The following BBS4 variants were observed in gnomAD, a reference collection of about 807,000 sequenced individuals.
BBS4 encodes Bardet-Biedl syndrome 4.
A neutral mutation model predicts 71.4 loss-of-function variants in BBS4; 58 were observed. The ratio of observed to expected loss-of-function variants is 0.81; its 90% CI spans 0.66 to 1.01. The LOEUF (loss-of-function observed/expected upper bound fraction) is 1.01, where lower values mean the gene tolerates loss of function less well. BBS4 is among the 50% of genes least tolerant of loss of function. The pLI, the probability that BBS4 is intolerant of heterozygous loss-of-function variation, is 0.00. For missense variants in BBS4, 660 were observed against 607.9 expected (o/e 1.09, Z -0.90); for synonymous variants, 228 against 216.8 (o/e 1.05, Z -0.46).
rs755871045 is a variant in BBS4 at position 72,736,851 on chromosome 15, G to T, written c.1338G>T (p.Lys446Asn). The T allele has an allele frequency of 6.2e-7, 1 of 1,614,188 alleles. No homozygotes were observed. Among genetic ancestry groups the T allele is most frequent in the South Asian group, 1.1e-5 (1 of 91,078 alleles). Reference sequence around the variant, plus strand: ...AACCAGTTAAAGATCCCAAATCAAAGCACCAGACCACTTCAACCAGCAAAC... The same window carrying T: ...AACCAGTTAAAGATCCCAAATCAAATCACCAGACCACTTCAACCAGCAAAC... ...WTKPVKDPKS[K>N]HQTTSTSKPA... is the part of the protein sequence containing the mutation. Residue 446 changes from lysine to asparagine, a missense_variant, in exon 15 of 16, where the codon AAG (lysine) becomes AAT (asparagine). By Grantham distance (94) the Lys-to-Asn change is moderately conservative. Coordinates refer to ENST00000268057, the MANE Select transcript of BBS4 (RefSeq NM_033028.5).
At chr15:72,737,093 GA>G (rs978553325) in intron 15 of BBS4, 130 bp downstream of exon 15, 49 of 1,153,792 alleles carry the variant, frequency 4.2e-5, no homozygotes, top group African/African-American at 1.2e-4. Context: ...CACAAGGGGA[GA>G]AAAAAAACAC....
At chr15:72,715,008 T>A (rs1257012800) in intron 4 of BBS4, among the ~76,000 whole-genome samples, 1 of 152,338 alleles carries the variant, frequency 6.6e-6, no homozygotes, top group East Asian at 1.9e-4. Context: ...GTTTGTGTGA[T>A]AATTTGCAAA....
intron 3 of BBS4, 89 bp downstream of exon 3, chr15:72,709,868 AT>A: frequency 9.4e-7 from 1 of 1,060,322 alleles, no homozygotes; most frequent in Non-Finnish European, 1.5e-6. Flanking sequence ...GGCAGTTTAT[AT>A]CTCAGTGATA....
At chr15:72,687,741 A>AACGTAGTGAAACCCTGTCCC (rs2064889469) in intron 1 of BBS4, among the ~76,000 whole-genome samples, 1 of 152,044 alleles carries the variant, frequency 6.6e-6, no homozygotes, top group African/African-American at 2.4e-5. Context: ...CAGCCTGGCC[A>AACGTAGTGAAACCCTGTCCC]ACGTAGTGAA....
rs1379874365 is a variant in BBS4 at position 72,722,823 on chromosome 15, C to T, written c.435C>T (p.Tyr145=). 3 of 1,613,874 alleles carry T rather than the reference C, an allele frequency of 1.9e-6. No individual in the cohort carries two copies. The South Asian group carries it at 3.3e-5, about 18-fold the overall frequency. Residue 145 remains tyrosine (Y), a synonymous_variant, in exon 7 of 16, where the codon TAC becomes TAT. Coordinates refer to ENST00000268057, the MANE Select transcript of BBS4 (RefSeq NM_033028.5). ...WEISHNLGVC[Y]IYLKQFNKAQ... is the part of the protein sequence containing the mutation. ...TCAGCCATAACCTAGGAGTTTGCTA[C>T]ATATACCTGAAGCAGTTCAACAAGG...
chr15:72,715,267 T>C (rs780090579), intron 4 of BBS4, 24 bp from the exon 5 acceptor site: 1 of 1,571,248 alleles, frequency 6.4e-7, no homozygotes, highest in Admixed American at 1.7e-5. Context: ...TTTACTTTTT[T>C]TTGTATTTTC....
intron 4 of BBS4, among the ~76,000 whole-genome samples, chr15:72,714,389 C>T (rs749638952): frequency 5.3e-5 from 8 of 152,202 alleles, no homozygotes; most frequent in Admixed American, 4.6e-4. Context: ...CCATGTCCAG[C>T]TAGTTTTTGT....
In BBS4 at chr15:72,735,843, C is replaced by T. The variant is rs2065911466; in HGVS notation, c.1125C>T (p.Asn375=). ...VHLDKCNPLV[N]LNYAVLLYNQ... is the part of the protein sequence containing the mutation. ...GCCACAGGTGTAACCCTTTAGTAAACCTGAACTATGCTGTGCTGCTGTACA... is the reference window on the plus strand; with the variant it reads ...GCCACAGGTGTAACCCTTTAGTAAATCTGAACTATGCTGTGCTGCTGTACA... Residue 375 remains asparagine, a synonymous_variant, in exon 14 of 16, where the codon AAC becomes AAT. Coordinates refer to ENST00000268057, the MANE Select transcript of BBS4 (RefSeq NM_033028.5). 1 of 1,614,114 alleles carries T rather than the reference C, an allele frequency of 6.2e-7. No individual in the cohort carries two copies. The highest frequency in any genetic ancestry group is 8.5e-7 in the Non-Finnish European group (1 of 1,180,012).
At chr15:72,730,166 C>A (rs886480544) in intron 10 of BBS4, among the ~76,000 whole-genome samples, 11 of 151,574 alleles carry the variant, frequency 7.3e-5, no homozygotes, top group African/African-American at 2.4e-4. Flanking sequence ...AGTCCCAGCT[C>A]CTCGGGAGGC....
chr15:72,735,885 G>T lies in BBS4; in HGVS notation c.1167G>T (p.Lys389Asn), dbSNP rs757556431. ...AVLLYNQGEK[K>N]NALAQYQEME... is the part of the protein sequence containing the mutation. ...TGCTGTACAACCAGGGCGAGAAGAA[G>T]AACGCCCTGGCCCAATATCAGGAGA... The change falls in exon 14 of 16, where the codon AAG becomes AAT. Residue 389 changes from lysine (K) to asparagine (N), a missense_variant. Physicochemically the swap from Lys to Asn is moderately conservative, Grantham distance 94. Coordinates refer to ENST00000268057, the MANE Select transcript of BBS4 (RefSeq NM_033028.5). The T allele has an allele frequency of 6.2e-7, 1 of 1,613,998 alleles. No homozygotes were observed. Among genetic ancestry groups the T allele is most frequent in the South Asian group, 1.1e-5 (1 of 91,070 alleles).
intron 13 of BBS4, chr15:72,735,616 A>C: frequency 1.5e-6 from 1 of 670,010 alleles, no homozygotes; most frequent in Non-Finnish European, 2.6e-6. Context: ...GAGATGCCAG[A>C]TTTGGTCCCA....
intron 2 of BBS4, among the ~76,000 whole-genome samples, chr15:72,706,505 G>C (rs962123915): frequency 2.0e-5 from 3 of 152,080 alleles, no homozygotes; most frequent in African/African-American, 7.2e-5. Flanking sequence ...TTGGTGACTC[G>C]TGTGGCTTTT....
At chr15:72,687,148 G>A (rs2064868890) in intron 1 of BBS4, among the ~76,000 whole-genome samples, 1 of 1,938 alleles carries the variant, frequency 5.2e-4, no homozygotes, top group African/African-American at 6.3e-4. Context: ...ACGGAGTGTC[G>A]CTGTTGTCGG....
intron 4 of BBS4, among the ~76,000 whole-genome samples, chr15:72,713,355 A>ACACACG (rs1341721515): frequency 1.7e-5 from 2 of 118,400 alleles, no homozygotes; most frequent in African/African-American, 5.3e-5. Flanking sequence ...ACACACGCAC[A>ACACACG]CGCACGCACG....
At chr15:72,722,894 GC>G in intron 7 of BBS4, 47 bp downstream of exon 7, 1 of 1,542,178 alleles carries the variant, frequency 6.5e-7, no homozygotes, top group Non-Finnish European at 9.0e-7. Flanking sequence ...TGCACTTGTT[GC>G]AGAAGTTGTT....
At chr15:72,733,809 G>A (rs144676411) in intron 12 of BBS4, among the ~76,000 whole-genome samples, 4 of 152,090 alleles carry the variant, frequency 2.6e-5, no homozygotes, top group Admixed American at 6.5e-5. Context: ...TTGCTGGGTC[G>A]AAGGGTAGTT....
intron 2 of BBS4, among the ~76,000 whole-genome samples, chr15:72,707,270 C>A (rs2065281920): frequency 6.6e-6 from 1 of 150,872 alleles, no homozygotes; most frequent in Non-Finnish European, 1.5e-5. Context: ...CCTCCCCGCA[C>A]CAGGTTCAAG....
chr15:72,738,084 A>G lies in BBS4; in HGVS notation c.*497A>G. 1 of 453,624 alleles carries G rather than the reference A, an allele frequency of 2.2e-6. No homozygotes were observed. Among genetic ancestry groups the G allele is most frequent in the Non-Finnish European group, 4.4e-6 (1 of 226,704 alleles). The allele number at this position is 453,624 out of a possible 1,614,324, so 28.1% of individuals were successfully genotyped here. ...AGATTAATAATCCAACTTTAATAGT[A>G]TACATTTAAAAGAAAAAAAACAAAA... On this transcript the variant is annotated 3_prime_UTR_variant, in exon 16 of 16. Coordinates refer to ENST00000268057, the MANE Select transcript of BBS4 (RefSeq NM_033028.5).
intron 6 of BBS4, among the ~76,000 whole-genome samples, chr15:72,718,170 G>C (rs1456135355): frequency 6.6e-6 from 1 of 152,030 alleles, no homozygotes; most frequent in Non-Finnish European, 1.5e-5. Context: ...TTTATTATAT[G>C]TTCAGGACAT....
Sources: allele counts gnomAD v4.1 joint callset (sites outside exome capture counted in the v4.1 genomes callset), GRCh38; gene constraint gnomAD v4.1.1; transcripts MANE v1.5; gene names NCBI Gene and HGNC (gene_info 2026-07-23, HGNC 2026-07-21).